Variants in USP6 observed in about 807,000 individuals in gnomAD.
The protein encoded by USP6 is ubiquitin specific peptidase 6.
In USP6, 128 loss-of-function variants were observed where a neutral mutation model predicts 175.7. The ratio of observed to expected loss-of-function variants is 0.73; its 90% CI spans 0.63 to 0.84. The LOEUF (loss-of-function observed/expected upper bound fraction) is 0.84. Among genes scored for constraint, USP6 ranks in the 40% least tolerant of loss-of-function variants. The probability of loss-of-function intolerance (pLI) is 0.00; values close to 1 mark genes in which losing one functional copy is unlikely to be tolerated. For missense variants in USP6, 1,498 were observed against 1,760.3 expected, an observed-to-expected ratio of 0.85 and a Z score of 2.67; for synonymous variants, 562 against 630.6, an observed-to-expected ratio of 0.89 and a Z score of 1.63.
At chr17:5,170,937 T>G in intron 36 of USP6, 22 bp downstream of exon 36, 3 of 1,605,362 alleles carry the variant, frequency 1.9e-6, no homozygotes, top group Non-Finnish European at 2.6e-6. Context: ...ATTATACGGT[T>G]TTCAGAGAGT....
chr17:5,137,240 C>T (rs1428313055), intron 19 of USP6, 54 bp downstream of exon 19: 17 of 1,596,502 alleles, frequency 1.1e-5, no homozygotes, highest in African/African-American at 8.0e-5. Flanking sequence ...CCTGCAGTGC[C>T]GTGCTTCCCC....
chr17:5,150,769 A>T (rs1447871998), intron 30 of USP6, among the ~76,000 whole-genome samples: 1 of 152,136 alleles, frequency 6.6e-6, no homozygotes, highest in African/African-American at 2.4e-5. Context: ...CTGGGTTTAC[A>T]GGTGTGAACC....
intron 37 of USP6, 85 bp from the exon 38 acceptor site, chr17:5,172,720 A>G: frequency 6.4e-7 from 1 of 1,559,538 alleles, no homozygotes. Flanking sequence ...TAGTAATTAC[A>G]GAGGGTTGGT....
intron 33 of USP6, among the ~76,000 whole-genome samples, chr17:5,165,355 AT>A (rs1268021432): frequency 6.6e-6 from 1 of 152,178 alleles, no homozygotes; most frequent in Non-Finnish European, 1.5e-5. Flanking sequence ...TGGACCTCAG[AT>A]TCCTCAGTAG....
intron 36 of USP6, 21 bp downstream of exon 36, chr17:5,170,936 T>G (rs2074203923): frequency 6.2e-7 from 1 of 1,605,428 alleles, no homozygotes; most frequent in South Asian, 1.1e-5. Flanking sequence ...TATTATACGG[T>G]TTTCAGAGAG....
chr17:5,146,317 A>G (rs184882433), intron 28 of USP6, 143 bp downstream of exon 28: 817 of 1,226,688 alleles, frequency 6.7e-4, no homozygotes, highest in Non-Finnish European at 8.6e-4. Context: ...AAAAATGCCA[A>G]GTTTTCCAAC....
Position 5,130,047 on chromosome 17 carries a change from C to T in USP6, c.-44C>T, listed in dbSNP as rs1046028551. 3.2e-5 allele frequency: 12 copies of T among 370,126 alleles called. No individual in the cohort carries two copies. The highest frequency in any genetic ancestry group is 2.1e-4 in the African/African-American group (10 of 48,160). The allele number at this position is 370,126 out of a possible 1,614,324, so 22.9% of individuals were successfully genotyped here. A position where few individuals can be genotyped will look rare whatever the true frequency, so the allele number is the denominator to read the frequency against. ...TCCCTGGAATAGACCATCACAGGCT[C>T]TTCACCCTTGGCAGGTGGACACCAT... On this transcript the variant is annotated 5_prime_UTR_variant, in exon 9 of 38. Coordinates refer to ENST00000574788, the MANE Select transcript of USP6 (RefSeq NM_001304284.2).
intron 33 of USP6, among the ~76,000 whole-genome samples, 173 bp downstream of exon 33, chr17:5,163,177 G>C (rs2871202): frequency 1.3e-5 from 2 of 152,120 alleles, no homozygotes; most frequent in African/African-American, 4.8e-5. Flanking sequence ...TCATTTTCCA[G>C]CTTCTGGAGT....
At position 5,167,857 on chromosome 17, in the gene USP6, G is replaced by GC. The variant is rs2074126599; in HGVS notation, c.3037-75_3037-74insC. On this transcript the variant is annotated intron_variant, in intron 33 of 37. Coordinates refer to ENST00000574788, the MANE Select transcript of USP6 (RefSeq NM_001304284.2). The stretch of plus-strand genomic sequence containing the variant: ...GTAAAATAAGGGTGAGTGACCGAGC[G>GC]GTTGATGCATAGCTAGATCACCAGT... The GC allele has an allele frequency of 1.7e-5, 25 of 1,500,618 alleles. 1 individual carries two copies. The South Asian group carries it at 3.2e-4, about 19-fold the overall frequency. The allele number at this position is 1,500,618 out of a possible 1,614,324, so 93.0% of individuals were successfully genotyped here.
chr17:5,139,159 C>T, intron 21 of USP6, 96 bp from the exon 22 acceptor site: 1 of 1,598,098 alleles, frequency 6.3e-7, no homozygotes, highest in African/African-American at 1.3e-5. Context: ...CACACAGAGA[C>T]CCCAAGGACT....
chr17:5,142,120 G>A lies in USP6; in HGVS notation c.1691G>A (p.Arg564Lys), dbSNP rs1207376625. Residue 564 changes from arginine to lysine, a missense_variant, in exon 24 of 38, where the codon AGA (arginine) becomes AAA (lysine). By Grantham distance (26) the Arg-to-Lys change is conservative (BLOSUM62 2). Around this residue, in one of 2 missense-constraint regions of USP6, gnomAD observed 1,217 missense variants for 1,500.8 expected, o/e 0.81. Transcript: ENST00000574788. ...QPLTQYFISG[R>K]HLYELNRTNP... Reference sequence around the variant, plus strand: ...CTGACACAGTATTTTATCTCAGGGAGACATCTTTATGAACTCAACAGGTAA... The same window carrying A: ...CTGACACAGTATTTTATCTCAGGGAAACATCTTTATGAACTCAACAGGTAA... The A allele has an allele frequency of 6.2e-7, 1 of 1,612,966 alleles. No homozygotes were observed. The highest frequency in any genetic ancestry group is 2.2e-5 in the East Asian group (1 of 44,888).
At chr17:5,155,632 C>A in intron 31 of USP6, 26 bp downstream of exon 31, 1 of 1,591,730 alleles carries the variant, frequency 6.3e-7, no homozygotes, top group East Asian at 2.2e-5. Context: ...CCATCTAAAC[C>A]TGTGGTTTCC....
At chr17:5,127,439 A>G (rs1209484711) in intron 6 of USP6, 65 bp from the exon 7 acceptor site, 1 of 152,248 alleles carries the variant, frequency 6.6e-6, no homozygotes, top group Non-Finnish European at 1.5e-5. Flanking sequence ...TACTGGTGCA[A>G]CTTCTTCCAA....
chr17:5,131,976 G>A (rs1597992685), intron 11 of USP6, among the ~76,000 whole-genome samples: 1 of 152,122 alleles, frequency 6.6e-6, no homozygotes, highest in Non-Finnish European at 1.5e-5. Context: ...AAGGTCTCAG[G>A]GCAGGCTTCC....
At position 5,161,614 on chromosome 17, in the gene USP6, G is replaced by A. The variant is rs2144120008; in HGVS notation, c.2915G>A (p.Arg972Lys). The stretch of plus-strand genomic sequence containing the variant: ...TCCTGTGCTTGGTGCCCACAGTATA[G>A]GTAAAGTGACCTGCAAAAGAATTAC... ...GNSCAWCPQY[R>K]FCRGCKIDCG... The change falls in exon 32 of 38, where the codon AGA becomes AAA. Residue 972 changes from arginine to lysine, a missense_variant and splice_region_variant. Coordinates refer to ENST00000574788, the MANE Select transcript of USP6 (RefSeq NM_001304284.2). The A allele has an allele frequency of 6.2e-7, 1 of 1,613,664 alleles. No homozygotes were observed. Among genetic ancestry groups the A allele is most frequent in the East Asian group, 2.2e-5 (1 of 44,880 alleles).
intron 25 of USP6, among the ~76,000 whole-genome samples, chr17:5,143,618 G>A (rs1386950836): frequency 2.0e-5 from 3 of 151,888 alleles, no homozygotes; most frequent in Non-Finnish European, 2.9e-5. Context: ...CAAACACTGC[G>A]GAGGGCCGCA....
chr17:5,147,172 A>G lies in USP6; in HGVS notation c.2409A>G (p.Ser803=), dbSNP rs767158292. ...FEIPVPSSPI[S]ASSPTQIDFS... ...TTCCTGTCCCTTCATCTCCAATTTC[A>G]GCTTCTAGTCCAACACAAATAGGTA... is the stretch of plus-strand genomic sequence containing the variant. Residue 803 remains serine (S), a synonymous_variant, in exon 29 of 38, where the codon TCA becomes TCG. Transcript: ENST00000574788. 99 of 1,613,424 alleles carry G rather than the reference A, an allele frequency of 6.1e-5. No homozygotes were observed. Among genetic ancestry groups the G allele is most frequent in the Non-Finnish European group, 8.1e-5 (96 of 1,179,740 alleles).
Position 5,139,646 on chromosome 17 carries a change from C to G in USP6, c.1470C>G (p.Thr490=). 3.1e-6 allele frequency: 5 copies of G among 1,611,856 alleles called. No individual in the cohort carries two copies. Among genetic ancestry groups the G allele is most frequent in the Non-Finnish European group, 4.2e-6 (5 of 1,180,024 alleles). Residue 490 remains threonine, a synonymous_variant, in exon 22 of 38, where the codon ACC becomes ACG. Coordinates refer to ENST00000574788, the MANE Select transcript of USP6 (RefSeq NM_001304284.2). Reference sequence around the variant, plus strand: ...TATCCCAGGAGGACCAGCTGGCCACCTGCTGGCAGGCTGAACACTGCGGAG... The same window carrying G: ...TATCCCAGGAGGACCAGCTGGCCACGTGCTGGCAGGCTGAACACTGCGGAG... ...RAISQEDQLA[T]CWQAEHCGEV...
At chr17:5,118,065 TC>T in intron 1 of USP6, 134 bp from the exon 2 acceptor site, 1 of 141,752 alleles carries the variant, frequency 7.1e-6, no homozygotes, top group African/African-American at 2.8e-5. Flanking sequence ...TGGGACTCCG[TC>T]TCAAAAAAAA....
Sources: allele counts gnomAD v4.1 joint callset (sites outside exome capture counted in the v4.1 genomes callset), GRCh38; gene constraint gnomAD v4.1.1; regional missense constraint gnomAD v4.1.1; transcripts MANE v1.5; gene names NCBI Gene and HGNC (gene_info 2026-07-23, HGNC 2026-07-21).